The following TBL1XR1 variants were observed in gnomAD, a reference collection of about 807,000 sequenced individuals.
TBL1XR1 encodes the protein F-box-like/WD repeat-containing protein TBL1XR1.
A neutral mutation model predicts 66.9 loss-of-function variants in TBL1XR1; 5 were observed. The observed-to-expected ratio is 0.07, with a 90% CI of 0.04 to 0.16. The LOEUF is 0.16. Ranked by LOEUF, TBL1XR1 falls within the 10% of genes least tolerant of loss-of-function variation. TBL1XR1 has a pLI of 1.00. For missense variants in TBL1XR1, 238 were observed against 623.2 expected (o/e 0.38, Z 6.58); for synonymous variants, 210 against 206.0 (o/e 1.02, Z -0.17).
intron 2 of TBL1XR1, among the ~76,000 whole-genome samples, chr3:177,069,763 A>AGAAAGGAAG: frequency 2.8e-5 from 3 of 105,546 alleles, no homozygotes; most frequent in Admixed American, 1.9e-4. Flanking sequence ...AGGAAAGGAA[A>AGAAAGGAAG]GAAAGGAAGG....
chr3:177,032,923 T>C (rs1398426380), intron 14 of TBL1XR1, 48 bp downstream of exon 14: 4 of 1,425,510 alleles, frequency 2.8e-6, no homozygotes, highest in Non-Finnish European at 3.7e-6. Flanking sequence ...GGCAAATGCT[T>C]CTACCTAAAT....
intron 2 of TBL1XR1, among the ~76,000 whole-genome samples, chr3:177,080,368 G>C (rs951502267): frequency 3.9e-5 from 6 of 151,930 alleles, no homozygotes; most frequent in African/African-American, 1.2e-4. Flanking sequence ...TACACCTTTG[G>C]GCTAGTACTT....
intron 1 of TBL1XR1, among the ~76,000 whole-genome samples, chr3:177,164,402 T>C (rs1305756214): frequency 6.6e-6 from 1 of 150,898 alleles, no homozygotes. Flanking sequence ...CAGGCTGGAG[T>C]GCAATGGCGC....
At chr3:177,155,612 G>A (rs1268840216) in intron 1 of TBL1XR1, among the ~76,000 whole-genome samples, 3 of 152,164 alleles carry the variant, frequency 2.0e-5, no homozygotes, top group Non-Finnish European at 2.9e-5. Context: ...ACTTTCAAAA[G>A]GAGAAAGATA....
chr3:177,137,304 C>A (rs868495742), intron 1 of TBL1XR1, among the ~76,000 whole-genome samples: 1 of 152,078 alleles, frequency 6.6e-6, no homozygotes, highest in African/African-American at 2.4e-5. Flanking sequence ...CCAGCCTGGG[C>A]AACATGGCAA....
intron 1 of TBL1XR1, among the ~76,000 whole-genome samples, chr3:177,137,353 G>A (rs1424913108): frequency 6.6e-6 from 1 of 152,048 alleles, no homozygotes; most frequent in Non-Finnish European, 1.5e-5. Flanking sequence ...TCGTCAGGGC[G>A]TGGTGGTGTG....
At chr3:177,090,493 A>G (rs527856924) in intron 2 of TBL1XR1, among the ~76,000 whole-genome samples, 35 of 150,102 alleles carry the variant, frequency 2.3e-4, no homozygotes, top group African/African-American at 8.1e-4. Flanking sequence ...CAGCCTGGTC[A>G]ACACAGGGAG....
At chr3:177,168,310 TCA>T (rs1733071693) in intron 1 of TBL1XR1, among the ~76,000 whole-genome samples, 1 of 151,544 alleles carries the variant, frequency 6.6e-6, no homozygotes, top group East Asian at 1.9e-4. Context: ...AGACGAAGTT[TCA>T]CTCTTGTTGC....
chr3:177,086,136 TA>T (rs1466296121), intron 2 of TBL1XR1, among the ~76,000 whole-genome samples: 1 of 151,194 alleles, frequency 6.6e-6, no homozygotes, highest in Non-Finnish European at 1.5e-5. Context: ...ACGTAAGTTT[TA>T]AATTATCTAG....
intron 1 of TBL1XR1, among the ~76,000 whole-genome samples, chr3:177,100,796 T>C (rs1724102737): frequency 6.6e-6 from 1 of 152,164 alleles, no homozygotes; most frequent in Non-Finnish European, 1.5e-5. Flanking sequence ...AATGATTAGA[T>C]AATAGCAAGT....
intron 1 of TBL1XR1, among the ~76,000 whole-genome samples, chr3:177,101,995 G>T (rs892406959): frequency 6.7e-5 from 9 of 133,808 alleles, no homozygotes; most frequent in Non-Finnish European, 1.2e-4. Context: ...ATAAATAAAT[G>T]AACATAGAAA....
At chr3:177,187,853 TA>T (rs5854746) in intron 1 of TBL1XR1, among the ~76,000 whole-genome samples, 15 of 138,990 alleles carry the variant, frequency 1.1e-4, no homozygotes, top group East Asian at 4.2e-4. Flanking sequence ...ATTAAAAAGT[TA>T]AAAAAAAATC....
chr3:177,086,591 C>T (rs1722151885), intron 2 of TBL1XR1, among the ~76,000 whole-genome samples: 1 of 152,074 alleles, frequency 6.6e-6, no homozygotes, highest in East Asian at 1.9e-4. Flanking sequence ...ATTTTCATCT[C>T]TCTACTATAA....
At chr3:177,098,212 CA>C (rs906923028) in intron 2 of TBL1XR1, among the ~76,000 whole-genome samples, 1 of 119,074 alleles carries the variant, frequency 8.4e-6, no homozygotes, top group Non-Finnish European at 1.7e-5. Flanking sequence ...AACTCCGTCT[CA>C]AAAAAACATA....
At chr3:177,155,660 C>A (rs114539700) in intron 1 of TBL1XR1, among the ~76,000 whole-genome samples, 1 of 152,078 alleles carries the variant, frequency 6.6e-6, no homozygotes, top group South Asian at 2.1e-4. Context: ...ACGAAAACAA[C>A]TGAATAGTCA....
At chr3:177,194,765 G>C (rs1736616219) in intron 1 of TBL1XR1, among the ~76,000 whole-genome samples, 1 of 152,140 alleles carries the variant, frequency 6.6e-6, no homozygotes, top group Non-Finnish European at 1.5e-5. Flanking sequence ...GGAGACTGGT[G>C]TCATGGTAAT....
chr3:177,130,213 G>T (rs910752018), intron 1 of TBL1XR1, among the ~76,000 whole-genome samples: 1 of 151,480 alleles, frequency 6.6e-6, no homozygotes, highest in East Asian at 1.9e-4. Flanking sequence ...TCCTTTGACC[G>T]TGAAATTCTA....
At chr3:177,062,768 G>T (rs1460335820) in intron 3 of TBL1XR1, among the ~76,000 whole-genome samples, 1 of 151,790 alleles carries the variant, frequency 6.6e-6, no homozygotes. Context: ...TTAATTCTTG[G>T]TTTATTTTTA....
At chr3:177,029,374 C>T (rs1713614689) in intron 14 of TBL1XR1, among the ~76,000 whole-genome samples, 1 of 152,158 alleles carries the variant, frequency 6.6e-6, no homozygotes, top group Non-Finnish European at 1.5e-5. Flanking sequence ...CCCAGGAATA[C>T]TTTGGAAGGC....
Sources: allele counts gnomAD v4.1 joint callset (sites outside exome capture counted in the v4.1 genomes callset), GRCh38; gene constraint gnomAD v4.1.1; transcripts MANE v1.5; gene names NCBI Gene and HGNC (gene_info 2026-07-23, HGNC 2026-07-21).